TGFBR3: variants seen among roughly 807,000 people sequenced by gnomAD.
The protein encoded by TGFBR3 is transforming growth factor beta receptor 3.
Under a neutral mutation model 87.9 loss-of-function variants are expected in TGFBR3, and 46 were observed. The ratio of observed to expected loss-of-function variants is 0.52; its 90% CI spans 0.41 to 0.67. The LOEUF (loss-of-function observed/expected upper bound fraction) is 0.67. Among genes scored for constraint, TGFBR3 ranks in the 30% least tolerant of loss-of-function variants. TGFBR3 has a pLI of 0.00. For missense variants in TGFBR3, 866 were observed against 1,041.9 expected (o/e 0.83, Z 2.32); for synonymous variants, 381 against 391.6 (o/e 0.97, Z 0.32).
chr1:91,834,286 C>T (rs1416391161), intron 2 of TGFBR3, among the ~76,000 whole-genome samples: 1 of 152,178 alleles, frequency 6.6e-6, no homozygotes, highest in Non-Finnish European at 1.5e-5. Flanking sequence ...GAAACCTCTC[C>T]TTTCTAGAAA....
chr1:91,898,570 GGGACCAC>G (rs1679605694), intron 2 of TGFBR3, among the ~76,000 whole-genome samples: 2 of 152,044 alleles, frequency 1.3e-5, no homozygotes, highest in African/African-American at 4.8e-5. Flanking sequence ...CTGAGTAGCT[GGGACCAC>G]AGGCGCCCGC....
chr1:91,717,848 A>G (rs1457948752), intron 10 of TGFBR3, among the ~76,000 whole-genome samples: 1 of 150,864 alleles, frequency 6.6e-6, no homozygotes, highest in Non-Finnish European at 1.5e-5. Flanking sequence ...GGATCATTAC[A>G]TGCCTTTCTC....
chr1:91,771,480 G>A (rs284194), intron 3 of TGFBR3, among the ~76,000 whole-genome samples: 61,535 of 151,780 alleles, frequency 0.41, 13,115 homozygotes, highest in Middle Eastern at 0.51. Context: ...CGAGGTGGAT[G>A]GATCCTGAGG....
chr1:91,785,811 A>G (rs1306320875), intron 3 of TGFBR3, among the ~76,000 whole-genome samples: 1 of 147,004 alleles, frequency 6.8e-6, no homozygotes, highest in Non-Finnish European at 1.5e-5. Flanking sequence ...TCTGTCTCCC[A>G]GGTTGGAGTG....
intron 2 of TGFBR3, among the ~76,000 whole-genome samples, chr1:91,858,476 G>T (rs1678047317): frequency 6.6e-6 from 1 of 151,672 alleles, no homozygotes; most frequent in African/African-American, 2.4e-5. Flanking sequence ...TTAGCTGGGC[G>T]TGGCAGCGTG....
chr1:91,821,203 G>A (rs540632639), intron 2 of TGFBR3, among the ~76,000 whole-genome samples: 1 of 151,698 alleles, frequency 6.6e-6, no homozygotes, highest in African/African-American at 2.4e-5. Flanking sequence ...GGTGGCACAC[G>A]CCTATAATCC....
At chr1:91,842,334 G>T (rs1023732680) in intron 2 of TGFBR3, among the ~76,000 whole-genome samples, 2 of 152,060 alleles carry the variant, frequency 1.3e-5, no homozygotes, top group African/African-American at 4.8e-5. Context: ...AAGTAGGGTG[G>T]TTAGACTGGG....
chr1:91,682,737 C>A lies in TGFBR3; in HGVS notation c.*1002G>T. 1 of 453,846 alleles carries A rather than the reference C, an allele frequency of 2.2e-6. No individual in the cohort carries two copies. The highest frequency in any genetic ancestry group is 1.6e-5 in the South Asian group (1 of 64,448). 28.1% of individuals were successfully genotyped at this position (453,846 alleles called of 1,614,324 possible). A position where few individuals can be genotyped will look rare whatever the true frequency, so the allele number is the denominator to read the frequency against. ...CATATTTTGAGTGGAAACACTCACC[C>A]TACCAAATATACTTAAGTTGCAACT... is the stretch of plus-strand genomic sequence containing the variant. On this transcript the variant is annotated 3_prime_UTR_variant, in exon 17 of 17. Transcript: ENST00000212355.
At chr1:91,819,608 T>A (rs1676373953) in intron 2 of TGFBR3, among the ~76,000 whole-genome samples, 1 of 152,180 alleles carries the variant, frequency 6.6e-6, no homozygotes, top group African/African-American at 2.4e-5. Flanking sequence ...TTTCTTAGCA[T>A]GACAGTAAAT....
chr1:91,795,242 T>C (rs990894474), intron 3 of TGFBR3, among the ~76,000 whole-genome samples: 1 of 152,238 alleles, frequency 6.6e-6, no homozygotes, highest in African/African-American at 2.4e-5. Flanking sequence ...TTGTCTATTC[T>C]CAGAAACATC....
At chr1:91,738,145 A>C (rs1423104093) in intron 4 of TGFBR3, among the ~76,000 whole-genome samples, 1 of 152,210 alleles carries the variant, frequency 6.6e-6, no homozygotes, top group Admixed American at 6.5e-5. Flanking sequence ...TCGAACTGGA[A>C]CTGGGGCACT....
intron 12 of TGFBR3, among the ~76,000 whole-genome samples, chr1:91,715,880 T>G (rs1672148609): frequency 6.6e-6 from 1 of 151,824 alleles, no homozygotes; most frequent in African/African-American, 2.4e-5. Context: ...AAAGATAACA[T>G]ATGAGGTGGT....
At chr1:91,902,272 TGTGTG>T (rs1305051106) in intron 1 of TGFBR3, among the ~76,000 whole-genome samples, 2 of 40,498 alleles carry the variant, frequency 4.9e-5, no homozygotes, top group Non-Finnish European at 1.3e-4. Context: ...CCTTTTCTTT[TGTGTG>T]TGTGTGTGTG....
intron 2 of TGFBR3, among the ~76,000 whole-genome samples, chr1:91,895,523 A>G (rs1397717778): frequency 2.0e-5 from 3 of 152,080 alleles, no homozygotes; most frequent in African/African-American, 7.2e-5. Context: ...GTCTCACTAC[A>G]TTGACCAGGC....
intron 16 of TGFBR3, 151 bp from the exon 17 acceptor site, chr1:91,684,008 A>G: frequency 3.0e-6 from 2 of 661,448 alleles, no homozygotes; most frequent in Non-Finnish European, 5.2e-6. Context: ...AGATGGCTGG[A>G]ATACCTTCTA....
At chr1:91,807,964 A>T (rs763791257) in intron 2 of TGFBR3, among the ~76,000 whole-genome samples, 4 of 152,240 alleles carry the variant, frequency 2.6e-5, no homozygotes, top group Non-Finnish European at 5.9e-5. Flanking sequence ...AAGTCCCTTG[A>T]GGGGAAGAGA....
At chr1:91,734,638 G>T in intron 5 of TGFBR3, 138 bp downstream of exon 5, 1 of 1,093,754 alleles carries the variant, frequency 9.1e-7, no homozygotes, top group Non-Finnish European at 1.4e-6. Context: ...AGAGGCCTGG[G>T]GCCAAATGAC....
Position 91,886,008 on chromosome 1 carries a change from C to T in TGFBR3, c.-244G>A, listed in dbSNP as rs1233286802. ...TGCGCCGCGGCAAAACTACGCCATC[C>T]GGACCCGCTGGGGACTCTCACCTCC... On this transcript the variant is annotated 5_prime_UTR_variant, in exon 1 of 17. Coordinates refer to ENST00000212355, the MANE Select transcript of TGFBR3 (RefSeq NM_003243.5). 4.4e-6 allele frequency: 2 copies of T among 453,480 alleles called. No homozygotes were observed. The highest frequency in any genetic ancestry group is 2.4e-5 in the Admixed American group (1 of 42,528). 28.1% of individuals were successfully genotyped at this position (453,480 alleles called of 1,614,324 possible). A position where few individuals can be genotyped will look rare whatever the true frequency, so the allele number is the denominator to read the frequency against.
intron 3 of TGFBR3, among the ~76,000 whole-genome samples, chr1:91,792,614 T>C (rs1227381153): frequency 6.6e-6 from 1 of 152,184 alleles, no homozygotes; most frequent in African/African-American, 2.4e-5. Flanking sequence ...GGAAACAAAA[T>C]TGTTGCCATT....
Sources: gnomAD v4.1 joint callset for allele counts (sites outside exome capture counted in the v4.1 genomes callset) on GRCh38, gnomAD v4.1.1 for gene constraint, MANE v1.5 for transcripts, NCBI Gene and HGNC (gene_info 2026-07-23, HGNC 2026-07-21) for gene names.